The following NCKAP5 variants were observed in gnomAD, a reference collection of about 807,000 sequenced individuals.
NCKAP5 encodes NCK associated protein 5.
In NCKAP5, 92 loss-of-function variants were observed where a neutral mutation model predicts 167.0. The ratio of observed to expected loss-of-function variants is 0.55; its 90% CI spans 0.47 to 0.66. The LOEUF (loss-of-function observed/expected upper bound fraction) is 0.66. Ranked by LOEUF, NCKAP5 falls within the 30% of genes least tolerant of loss-of-function variation. NCKAP5 has a pLI of 0.00. For missense variants in NCKAP5, 2,378 were observed against 2,315.0 expected (o/e 1.03, Z -0.56); for synonymous variants, 891 against 877.4 (o/e 1.02, Z -0.27).
At chr2:133,505,484 T>G (rs919999973) in intron 3 of NCKAP5, among the ~76,000 whole-genome samples, 1 of 152,192 alleles carries the variant, frequency 6.6e-6, no homozygotes, top group African/African-American at 2.4e-5. Context: ...CTGGTCCACA[T>G]GTTTCCAGGG....
chr2:132,951,148 C>G (rs2076175181), intron 8 of NCKAP5, among the ~76,000 whole-genome samples: 1 of 152,124 alleles, frequency 6.6e-6, no homozygotes, highest in South Asian at 2.1e-4. Context: ...GTGTTACAAG[C>G]TGTATCTTCT....
the NCKAP5 span, among the ~76,000 whole-genome samples, chr2:133,613,736 T>C: frequency 6.6e-6 from 1 of 152,244 alleles, no homozygotes; most frequent in Admixed American, 6.5e-5. Context: ...CTCTTTATTC[T>C]CTTCCCTCTT....
intron 6 of NCKAP5, among the ~76,000 whole-genome samples, chr2:133,055,842 T>G (rs1001120054): frequency 6.6e-6 from 1 of 152,216 alleles, no homozygotes. Flanking sequence ...TTTGGAGAGA[T>G]CTCTGAATTT....
chr2:132,921,843 T>G (rs777195877), intron 8 of NCKAP5, among the ~76,000 whole-genome samples: 35 of 152,202 alleles, frequency 2.3e-4, no homozygotes, highest in Admixed American at 7.2e-4. Context: ...GGGAATGTAA[T>G]GCAGGTTTGG....
chr2:133,610,042 A>C, the NCKAP5 span, among the ~76,000 whole-genome samples: 1 of 152,164 alleles, frequency 6.6e-6, no homozygotes, highest in Non-Finnish European at 1.5e-5. Flanking sequence ...TCCTAAGATA[A>C]ATCAGCATCC....
chr2:133,012,497 C>A (rs1043362684), intron 6 of NCKAP5, among the ~76,000 whole-genome samples: 1 of 152,214 alleles, frequency 6.6e-6, no homozygotes, highest in African/African-American at 2.4e-5. Context: ...ATCTGCCCGC[C>A]TCGGCCTCCC....
At chr2:133,303,443 AAAAAG>A (rs1311656161) in intron 3 of NCKAP5, among the ~76,000 whole-genome samples, 2 of 152,190 alleles carry the variant, frequency 1.3e-5, no homozygotes, top group Non-Finnish European at 2.9e-5. Flanking sequence ...CCAATTATAG[AAAAAG>A]AAAATAGACA....
At chr2:132,988,575 G>A (rs2077363621) in intron 7 of NCKAP5, among the ~76,000 whole-genome samples, 1 of 151,968 alleles carries the variant, frequency 6.6e-6, no homozygotes, top group Non-Finnish European at 1.5e-5. Context: ...GTGTGTTTCT[G>A]GGTTGTCTGA....
At chr2:132,681,000 A>G (rs761451339) in intron 19 of NCKAP5, among the ~76,000 whole-genome samples, 3 of 152,092 alleles carry the variant, frequency 2.0e-5, no homozygotes, top group Non-Finnish European at 4.4e-5. Flanking sequence ...GTTGTGGTCA[A>G]TTTCTCCAAA....
chr2:132,878,595 G>C (rs904256858), intron 9 of NCKAP5, among the ~76,000 whole-genome samples: 5 of 149,680 alleles, frequency 3.3e-5, no homozygotes, highest in African/African-American at 1.2e-4. Flanking sequence ...TAAGGAATTA[G>C]GGAGGGAGGG....
At chr2:133,071,265 G>A (rs905079624) in intron 6 of NCKAP5, among the ~76,000 whole-genome samples, 3 of 152,160 alleles carry the variant, frequency 2.0e-5, no homozygotes, top group African/African-American at 7.2e-5. Context: ...CACAGTCAGT[G>A]AAACCCCGTC....
intron 11 of NCKAP5, among the ~76,000 whole-genome samples, chr2:132,829,575 TAA>T (rs886759776): frequency 4.5e-4 from 68 of 152,312 alleles, no homozygotes; most frequent in African/African-American, 1.6e-3. Flanking sequence ...AGCTCTTTGC[TAA>T]AATATTTACT....
At chr2:133,415,590 CT>C (rs1422704957) in intron 3 of NCKAP5, among the ~76,000 whole-genome samples, 4 of 152,240 alleles carry the variant, frequency 2.6e-5, no homozygotes, top group Admixed American at 6.5e-5. Context: ...CTGGCTCTCA[CT>C]TTGAACAAGT....
At chr2:132,788,336 T>C (rs184143987) in intron 13 of NCKAP5, among the ~76,000 whole-genome samples, 44 of 152,180 alleles carry the variant, frequency 2.9e-4, no homozygotes, top group Non-Finnish European at 3.2e-4. Context: ...CTTATATATA[T>C]ATATTTTTCT....
At chr2:132,922,684 GC>G (rs1695538060) in intron 8 of NCKAP5, among the ~76,000 whole-genome samples, 1 of 152,072 alleles carries the variant, frequency 6.6e-6, no homozygotes, top group Non-Finnish European at 1.5e-5. Flanking sequence ...CCTCACAAGG[GC>G]CCCCATGAAG....
intron 19 of NCKAP5, among the ~76,000 whole-genome samples, chr2:132,720,786 A>G (rs971923017): frequency 3.9e-5 from 6 of 152,174 alleles, no homozygotes; most frequent in African/African-American, 1.2e-4. Context: ...AGGCAGGAGG[A>G]TCACCTAAGG....
At chr2:133,330,943 A>G (rs1682811427) in intron 3 of NCKAP5, among the ~76,000 whole-genome samples, 1 of 152,184 alleles carries the variant, frequency 6.6e-6, no homozygotes, top group Non-Finnish European at 1.5e-5. Context: ...CTAAGCACAT[A>G]TTAACTCATT....
In NCKAP5 at chr2:132,782,959, G is replaced by T. The variant is rs1346062803; in HGVS notation, c.3852C>A (p.Asp1284Glu). Residue 1284 changes from aspartate (D) to glutamate (E), a missense_variant, in exon 14 of 20, where the codon GAC becomes GAA. Physicochemically the swap from Asp to Glu is conservative, Grantham distance 45. Transcript: ENST00000409261. ...CTTCGATGGGGGGCGTAGAAGGCTTGTCTCCTGAGTGTGTACTGAAGCTGT... is the reference window on the plus strand; with the variant it reads ...CTTCGATGGGGGGCGTAGAAGGCTTTTCTCCTGAGTGTGTACTGAAGCTGT... ...RSHSFSTHSGDKPSTPPIEGS... is the reference protein window; with the variant it reads ...RSHSFSTHSGEKPSTPPIEGS... 3.7e-6 allele frequency: 6 copies of T among 1,613,896 alleles called. No homozygotes were observed. The African/African-American group carries it at 5.3e-5, about 14-fold the overall frequency.
At chr2:133,434,962 G>A (rs1471002297) in intron 3 of NCKAP5, among the ~76,000 whole-genome samples, 1 of 152,184 alleles carries the variant, frequency 6.6e-6, no homozygotes, top group Non-Finnish European at 1.5e-5. Flanking sequence ...AAAGCTAGGA[G>A]AACTATAGAA....
Sources: allele counts gnomAD v4.1 joint callset (sites outside exome capture counted in the v4.1 genomes callset), GRCh38; gene constraint gnomAD v4.1.1; transcripts MANE v1.5; gene names NCBI Gene and HGNC (gene_info 2026-07-23, HGNC 2026-07-21).